The following ZNF385D variants were observed in gnomAD, a reference collection of about 807,000 sequenced individuals.
The protein encoded by ZNF385D is zinc finger protein 659.
In ZNF385D, 15 loss-of-function variants were observed where a neutral mutation model predicts 35.8. That is an observed-to-expected ratio of 0.42 (90% CI 0.28 to 0.64). The LOEUF (loss-of-function observed/expected upper bound fraction) is 0.64. Among genes scored for constraint, ZNF385D ranks in the 30% least tolerant of loss-of-function variants. The probability of loss-of-function intolerance (pLI) is 0.23; values close to 1 mark genes in which losing one functional copy is unlikely to be tolerated. For missense variants in ZNF385D, 474 were observed against 494.6 expected (o/e 0.96, Z 0.39); for synonymous variants, 212 against 186.8 (o/e 1.13, Z -1.10).
intron 3 of ZNF385D, among the ~76,000 whole-genome samples, chr3:22,044,049 C>G (rs773386934): frequency 2.7e-5 from 4 of 146,958 alleles, no homozygotes; most frequent in Non-Finnish European, 6.0e-5. Context: ...TAAAGAGGAA[C>G]AAAGAAACAT....
chr3:21,579,335 C>T (rs771498929), intron 2 of ZNF385D: 12 of 152,032 alleles, frequency 7.9e-5, no homozygotes, highest in Non-Finnish European at 1.6e-4. Context: ...GTCACTGAAA[C>T]GTGGGTCAAA....
chr3:21,602,517 CTTTTT>C lies in ZNF385D; in HGVS notation c.166-37838_166-37834del, dbSNP rs746138066. Among the ~76,000 whole-genome samples the C allele has an allele frequency of 8.6e-3, 537 of 62,614 alleles. 5 individuals are homozygous for C. The highest frequency in any genetic ancestry group is 0.012 in the Non-Finnish European group (400 of 34,020). 41.1% of individuals were successfully genotyped at this position (62,614 alleles called of 152,430 possible). On this transcript the variant is annotated intron_variant, in intron 2 of 7. Coordinates refer to ENST00000281523, the MANE Select transcript of ZNF385D (RefSeq NM_024697.3). The stretch of plus-strand genomic sequence containing the variant: ...TAGGTCTCCTGTTTCCCTGCATTTT[CTTTTT>C]TTTTTTTTTTTTTTTTTTTTTGAGA...
rs1337207334 is a variant in ZNF385D at position 21,414,126 on chromosome 3, GC to G, written c.*7087del. On this transcript the variant is annotated 3_prime_UTR_variant, in exon 8 of 8. Transcript: ENST00000281523. ...AGAAATTATTGACTAAGTTTCATGT[GC>G]TAGGATATAACTTATTTTTCTCACC... The G allele has an allele frequency of 1.3e-4, 20 of 152,084 alleles. No homozygotes were observed. The highest frequency in any genetic ancestry group is 3.4e-3 in the Middle Eastern group (1 of 294). The allele number at this position is 152,084 out of a possible 1,614,324, so 9.4% of individuals were successfully genotyped here. A position where few individuals can be genotyped will look rare whatever the true frequency, so the allele number is the denominator to read the frequency against.
At chr3:22,306,498 A>G (rs946392476) in intron 2 of ZNF385D, among the ~76,000 whole-genome samples, 3 of 152,140 alleles carry the variant, frequency 2.0e-5, no homozygotes, top group Non-Finnish European at 2.9e-5. Flanking sequence ...TAATAGAGAA[A>G]GAACTATGGC....
intron 4 of ZNF385D, among the ~76,000 whole-genome samples, chr3:21,492,590 C>G (rs1277826346): frequency 6.6e-6 from 1 of 151,500 alleles, no homozygotes; most frequent in Admixed American, 6.6e-5. Context: ...CGAGACTAGC[C>G]TGACCAATAC....
intron 3 of ZNF385D, among the ~76,000 whole-genome samples, chr3:21,958,658 A>G (rs918424846): frequency 6.6e-6 from 1 of 152,138 alleles, no homozygotes; most frequent in African/African-American, 2.4e-5. Flanking sequence ...CTATCGCCAA[A>G]TTCTATTATA....
chr3:22,260,558 C>A (rs1420768992), intron 2 of ZNF385D, among the ~76,000 whole-genome samples: 2 of 151,734 alleles, frequency 1.3e-5, no homozygotes, highest in African/African-American at 4.8e-5. Context: ...GGTTGTAAAT[C>A]ATTTTGTAAT....
chr3:22,144,264 G>T (rs1192979985), intron 3 of ZNF385D, among the ~76,000 whole-genome samples: 1 of 152,086 alleles, frequency 6.6e-6, no homozygotes, highest in East Asian at 1.9e-4. Context: ...TTTTAAACTT[G>T]AAGAGATTTT....
At chr3:22,043,934 G>A (rs950218077) in intron 3 of ZNF385D, among the ~76,000 whole-genome samples, 3 of 152,078 alleles carry the variant, frequency 2.0e-5, no homozygotes, top group African/African-American at 7.2e-5. Flanking sequence ...AGCTAGCAAG[G>A]ACTTGAAGTC....
chr3:22,175,239 G>A (rs1333297239), intron 2 of ZNF385D, among the ~76,000 whole-genome samples: 2 of 151,992 alleles, frequency 1.3e-5, no homozygotes, highest in African/African-American at 4.8e-5. Context: ...AACTGCTACT[G>A]TAATACGTCA....
At chr3:22,314,075 A>G (rs568583010) in intron 2 of ZNF385D, among the ~76,000 whole-genome samples, 52 of 152,220 alleles carry the variant, frequency 3.4e-4, no homozygotes, top group South Asian at 6.2e-4. Flanking sequence ...TTTTTTCATT[A>G]TAATTCCCCT....
chr3:21,713,224 GC>G (rs991652881), intron 1 of ZNF385D, among the ~76,000 whole-genome samples: 33 of 152,330 alleles, frequency 2.2e-4, no homozygotes, highest in Admixed American at 2.0e-3. Flanking sequence ...AGAAGAGCCA[GC>G]AGTGTACAAG....
intron 3 of ZNF385D, among the ~76,000 whole-genome samples, chr3:21,788,205 G>A (rs897854778): frequency 2.0e-5 from 3 of 152,174 alleles, no homozygotes; most frequent in African/African-American, 7.2e-5. Flanking sequence ...TGGGGCGGGC[G>A]CAGTGGCTCA....
At chr3:21,934,462 C>G (rs1701165935) in intron 3 of ZNF385D, among the ~76,000 whole-genome samples, 1 of 152,094 alleles carries the variant, frequency 6.6e-6, no homozygotes, top group African/African-American at 2.4e-5. Flanking sequence ...ATTATATATT[C>G]TGAGGTTAGT....
intron 3 of ZNF385D, among the ~76,000 whole-genome samples, chr3:21,890,062 A>G (rs1246641203): frequency 1.3e-5 from 2 of 152,106 alleles, no homozygotes; most frequent in African/African-American, 4.8e-5. Flanking sequence ...TAAATACCCT[A>G]TCTGCAAATA....
At chr3:21,920,745 G>A (rs565329556) in intron 3 of ZNF385D, among the ~76,000 whole-genome samples, 1 of 151,976 alleles carries the variant, frequency 6.6e-6, no homozygotes, top group Non-Finnish European at 1.5e-5. Flanking sequence ...CCACACTGGC[G>A]CTCTTAAAAC....
intron 3 of ZNF385D, among the ~76,000 whole-genome samples, chr3:22,159,717 T>C (rs1202593296): frequency 6.6e-6 from 1 of 152,142 alleles, no homozygotes; most frequent in African/African-American, 2.4e-5. Context: ...TTCACTTTCT[T>C]CTACATTTTT....
At chr3:21,634,361 AAAG>A (rs199923359) in intron 2 of ZNF385D, among the ~76,000 whole-genome samples, 2,599 of 150,602 alleles carry the variant, frequency 0.017, 40 homozygotes, top group Non-Finnish European at 0.023. Flanking sequence ...GAAAAGAAAA[AAAG>A]AAAGGAAGGA....
Position 21,437,701 on chromosome 3 carries a change from C to CAA in ZNF385D, c.440-500_440-499dup, listed in dbSNP as rs751739275. Among the ~76,000 whole-genome samples the CAA allele has an allele frequency of 1.8e-4, 14 of 77,206 alleles. No homozygotes were observed. In the South Asian group the frequency reaches 2.7e-3, roughly 15 times the overall value. 50.7% of individuals were successfully genotyped at this position (77,206 alleles called of 152,430 possible). ...ACAGATCCTTTTGCAAATGCTTATA[C>CAA]AAAAAAAAAAAAAAAAAACCGGAAC... On this transcript the variant is annotated intron_variant, in intron 4 of 7. Coordinates refer to ENST00000281523, the MANE Select transcript of ZNF385D (RefSeq NM_024697.3).
Sources: gnomAD v4.1 joint callset for allele counts (sites outside exome capture counted in the v4.1 genomes callset) on GRCh38, gnomAD v4.1.1 for gene constraint, MANE v1.5 for transcripts, NCBI Gene and HGNC (gene_info 2026-07-23, HGNC 2026-07-21) for gene names.